The following CCDC85C variants were observed in gnomAD, a reference collection of about 807,000 sequenced individuals.
CCDC85C encodes the protein coiled-coil domain containing 85C, also known as coiled-coil domain-containing protein 85C.
Under a neutral mutation model 38.3 loss-of-function variants are expected in CCDC85C, and 18 were observed. The ratio of observed to expected loss-of-function variants is 0.47; its 90% CI spans 0.33 to 0.70. CCDC85C has a LOEUF of 0.70. Ranked by LOEUF, CCDC85C falls within the 30% of genes least tolerant of loss-of-function variation. The pLI, the probability that CCDC85C is intolerant of heterozygous loss-of-function variation, is 0.03. For missense variants in CCDC85C, 566 were observed against 621.2 expected (o/e 0.91, Z 0.94); for synonymous variants, 264 against 293.8 (o/e 0.90, Z 1.04).
In CCDC85C at chr14:99,516,154, C is replaced by T; in HGVS notation, c.1170+34G>A. The T allele has an allele frequency of 6.6e-7, 1 of 1,520,716 alleles. No individual in the cohort carries two copies. Among genetic ancestry groups the T allele is most frequent in the Non-Finnish European group, 8.9e-7 (1 of 1,119,836 alleles). 94.2% of individuals were successfully genotyped at this position (1,520,716 alleles called of 1,614,324 possible). The stretch of plus-strand genomic sequence containing the variant: ...GGTGGCCCTGGTCGCACTCCCAGTG[C>T]CAAGCCTCTGCCCCCCACCCCTGGA... On this transcript the variant is annotated intron_variant, in intron 5 of 5. Coordinates refer to ENST00000380243, the MANE Select transcript of CCDC85C (RefSeq NM_001144995.2). The surrounding 1 kb of genome is among the most constrained non-coding windows in gnomAD (Gnocchi z 5.5).
At position 99,603,581 on chromosome 14, in the gene CCDC85C, G is replaced by T; in HGVS notation, c.379C>A (p.Leu127Met). 1 of 1,414,938 alleles carries T rather than the reference G, an allele frequency of 7.1e-7. No homozygotes were observed. The highest frequency in any genetic ancestry group is 9.2e-7 in the Non-Finnish European group (1 of 1,090,150). 87.6% of individuals were successfully genotyped at this position (1,414,938 alleles called of 1,614,324 possible). A position where few individuals can be genotyped will look rare whatever the true frequency, so the allele number is the denominator to read the frequency against. ...TCCTGGCGCGCCTCGAGCTCGCGCA[G>T]CTTCTGCTGCGAGCGGGCCACCTCG... ...WHEVARSQQK[L>M]RELEARQEAL... Residue 127 changes from leucine to methionine, a missense_variant, in exon 1 of 6, where the codon CTG (leucine) becomes ATG (methionine). Around this residue, in one of 3 missense-constraint regions of CCDC85C, gnomAD observed 269 missense variants for 308.2 expected, o/e 0.87. Coordinates refer to ENST00000380243, the MANE Select transcript of CCDC85C (RefSeq NM_001144995.2). This position sits in a 1 kb window ranked among gnomAD's most constrained non-coding sequence, Gnocchi z 7.5.
intron 2 of CCDC85C, among the ~76,000 whole-genome samples, chr14:99,526,446 A>C (rs1897385168): frequency 6.6e-6 from 1 of 152,150 alleles, no homozygotes; most frequent in Admixed American, 6.5e-5. Context: ...AGCTGGAGAG[A>C]GCTCCTTCCA....
rs975050093 is a variant in CCDC85C, at chr14:99,572,290, C to A, written c.793+30877G>T. Among the ~76,000 whole-genome samples the A allele has an allele frequency of 1.3e-5, 2 of 152,106 alleles. No individual in the cohort carries two copies. Among genetic ancestry groups the A allele is most frequent in the African/African-American group, 4.8e-5 (2 of 41,414 alleles). Reference sequence around the variant, plus strand: ...CTCCCCAGGGATGGGTCTTTTCATGCCATCACTGCCGTCTCCTCCCCGCTA... The same window carrying A: ...CTCCCCAGGGATGGGTCTTTTCATGACATCACTGCCGTCTCCTCCCCGCTA... On this transcript the variant is annotated intron_variant, in intron 1 of 5. Transcript: ENST00000380243. This position sits in a 1 kb window ranked among gnomAD's most constrained non-coding sequence, Gnocchi z 4.4.
In CCDC85C at chr14:99,509,867, G is replaced by A; in HGVS notation, c.*5379C>T. 4.1e-6 allele frequency: 2 copies of A among 485,692 alleles called. No homozygotes were observed. Among genetic ancestry groups the A allele is most frequent in the Non-Finnish European group, 7.3e-6 (2 of 274,902 alleles). The allele number at this position is 485,692 out of a possible 1,614,324, so 30.1% of individuals were successfully genotyped here. ...ACTAGGAAGAGGGGGCTGGGGCCAG[G>A]GCACAAGGGGGCTTCGGGTGCTGCC... On this transcript the variant is annotated 3_prime_UTR_variant, in exon 6 of 6. Transcript: ENST00000380243.
chr14:99,571,442 C>T (rs181439812), intron 1 of CCDC85C, among the ~76,000 whole-genome samples: 1 of 152,296 alleles, frequency 6.6e-6, no homozygotes, highest in East Asian at 1.9e-4. Context: ...CGTGCAGGTG[C>T]CAGAGGTGCA....
At chr14:99,549,456 G>T (rs1327587708) in intron 1 of CCDC85C, among the ~76,000 whole-genome samples, 1 of 152,172 alleles carries the variant, frequency 6.6e-6, no homozygotes, top group Non-Finnish European at 1.5e-5. Flanking sequence ...GAAGGTGGTG[G>T]TAGGAAGCCA....
chr14:99,530,638 C>T (rs538046110), intron 2 of CCDC85C, among the ~76,000 whole-genome samples: 76 of 152,326 alleles, frequency 5.0e-4, no homozygotes, highest in African/African-American at 1.8e-3. Context: ...TGGGGATGGG[C>T]CAGGCCCAAG....
rs1896881020 is a variant in CCDC85C, at chr14:99,503,135, G to A, written c.*12111C>T. On this transcript the variant is annotated 3_prime_UTR_variant, in exon 6 of 6. Transcript: ENST00000380243. ...CAGTCCGACTGCTTGTCGGTGGGGA[G>A]CCTGAAAACAAAGGTGCTCCAAGGA... 3.3e-6 allele frequency: 3 copies of A among 907,064 alleles called. No individual in the cohort carries two copies. Among genetic ancestry groups the A allele is most frequent in the Non-Finnish European group, 5.3e-6 (3 of 561,810 alleles). The allele number at this position is 907,064 out of a possible 1,614,324, so 56.2% of individuals were successfully genotyped here.
At chr14:99,577,270 T>C (rs1304297234) in intron 1 of CCDC85C, among the ~76,000 whole-genome samples, 1 of 151,424 alleles carries the variant, frequency 6.6e-6, no homozygotes, top group Non-Finnish European at 1.5e-5. Context: ...ACTATGCGCC[T>C]CCGGTTTCAC....
Position 99,516,947 on chromosome 14 carries a change from C to A in CCDC85C, c.1071+141G>T. 1.3e-6 allele frequency: 1 copy of A among 761,350 alleles called. No homozygotes were observed. Among genetic ancestry groups the A allele is most frequent in the South Asian group, 1.6e-5 (1 of 63,062 alleles). 47.2% of individuals were successfully genotyped at this position (761,350 alleles called of 1,614,324 possible). A position where few individuals can be genotyped will look rare whatever the true frequency, so the allele number is the denominator to read the frequency against. ...GAGTTCAACCTCACAGTGCTCCAGG[C>A]AGCCATGGTCACCCAGCCACCCACA... On this transcript the variant is annotated intron_variant, in intron 4 of 5. Coordinates refer to ENST00000380243, the MANE Select transcript of CCDC85C (RefSeq NM_001144995.2). This position sits in a 1 kb window ranked among gnomAD's most constrained non-coding sequence, Gnocchi z 5.5.
intron 3 of CCDC85C, among the ~76,000 whole-genome samples, chr14:99,518,965 C>G (rs1425681438): frequency 6.6e-6 from 1 of 152,154 alleles, no homozygotes; most frequent in Admixed American, 6.5e-5. Flanking sequence ...GGGCCCCCAC[C>G]TGTACTAGAA....
In CCDC85C at chr14:99,545,910, C is replaced by T. The variant is rs1012126019; in HGVS notation, c.794-9822G>A. On this transcript the variant is annotated intron_variant, in intron 1 of 5. Coordinates refer to ENST00000380243, the MANE Select transcript of CCDC85C (RefSeq NM_001144995.2). This position sits in a 1 kb window ranked among gnomAD's most constrained non-coding sequence, Gnocchi z 4.7. ...ACATGCAGCTCTGTGGTCACTGTTC[C>T]AATCATCCAACTCCCAGCCTCCAAC... Among the ~76,000 whole-genome samples, 14 of 152,108 alleles carry T rather than the reference C, an allele frequency of 9.2e-5. No homozygotes were observed. The highest frequency in any genetic ancestry group is 3.2e-3 in the Middle Eastern group (1 of 316).
rs1284508996 is a variant in CCDC85C at position 99,603,222 on chromosome 14, G to A, written c.738C>T (p.Ser246=). The change falls in exon 1 of 6, where the codon TCC becomes TCT. Residue 246 remains serine, a synonymous_variant. Transcript: ENST00000380243. The surrounding 1 kb of genome is among the most constrained non-coding windows in gnomAD (Gnocchi z 7.5). The part of the protein sequence containing the change: ...PDGKAGATRR[S]LDDLSAPPHH... ...GCGGCGGCGCCGACAAGTCGTCCAGGGACCGACGTGTGGCTCCTGCCTTGC... is the reference window on the plus strand; with the variant it reads ...GCGGCGGCGCCGACAAGTCGTCCAGAGACCGACGTGTGGCTCCTGCCTTGC... 2.1e-6 allele frequency: 3 copies of A among 1,423,384 alleles called. No homozygotes were observed. Among genetic ancestry groups the A allele is most frequent in the Non-Finnish European group, 2.7e-6 (3 of 1,091,450 alleles). The allele number at this position is 1,423,384 out of a possible 1,614,324, so 88.2% of individuals were successfully genotyped here.
At position 99,576,300 on chromosome 14, in the gene CCDC85C, A is replaced by G. The variant is rs1029487101; in HGVS notation, c.793+26867T>C. ...CTGACCCCATCTAAAATCCAGGGCC[A>G]GGGCCCCTCGAGGGTGGTCCCAAAG... On this transcript the variant is annotated intron_variant, in intron 1 of 5. Coordinates refer to ENST00000380243, the MANE Select transcript of CCDC85C (RefSeq NM_001144995.2). This position sits in a 1 kb window ranked among gnomAD's most constrained non-coding sequence, Gnocchi z 4.8. 6.6e-6 allele frequency among the ~76,000 whole-genome samples: 1 copy of G among 152,184 alleles called. No homozygotes were observed. Among genetic ancestry groups the G allele is most frequent in the African/African-American group, 2.4e-5 (1 of 41,460 alleles).
At position 99,603,287 on chromosome 14, in the gene CCDC85C, G is replaced by C; in HGVS notation, c.673C>G (p.Pro225Ala). Residue 225 changes from proline to alanine, a missense_variant, in exon 1 of 6, where the codon CCC becomes GCC. Pro to Ala is a conservative substitution (Grantham distance 27, BLOSUM62 -1). Around this residue, in one of 3 missense-constraint regions of CCDC85C, gnomAD observed 286 missense variants for 276.4 expected, o/e 1.03. Transcript: ENST00000380243. This position sits in a 1 kb window ranked among gnomAD's most constrained non-coding sequence, Gnocchi z 7.5. ...TGCGGCCCGGGGGGCAGCAGCGGGG[G>C]TGGGACGTGGTGGTGGTGGTCGGGG... The part of the protein sequence containing the change: ...GSPDHHHHVP[P>A]PLLPPGPHKA... The C allele has an allele frequency of 7.3e-7, 1 of 1,376,762 alleles. No homozygotes were observed. The highest frequency in any genetic ancestry group is 9.3e-7 in the Non-Finnish European group (1 of 1,070,238). 85.3% of individuals were successfully genotyped at this position (1,376,762 alleles called of 1,614,324 possible). A position where few individuals can be genotyped will look rare whatever the true frequency, so the allele number is the denominator to read the frequency against.
intron 2 of CCDC85C, among the ~76,000 whole-genome samples, chr14:99,530,817 G>A (rs542431286): frequency 2.0e-5 from 3 of 152,244 alleles, no homozygotes; most frequent in Admixed American, 6.5e-5. Flanking sequence ...CACAGCAGGT[G>A]AGCGCTGGGG....
In CCDC85C at chr14:99,503,268, T is replaced by C. The variant is rs909240521; in HGVS notation, c.*11978A>G. 1 of 630,676 alleles carries C rather than the reference T, an allele frequency of 1.6e-6. No homozygotes were observed. The highest frequency in any genetic ancestry group is 2.9e-6 in the Non-Finnish European group (1 of 349,666). 39.1% of individuals were successfully genotyped at this position (630,676 alleles called of 1,614,324 possible). On this transcript the variant is annotated 3_prime_UTR_variant, in exon 6 of 6. Coordinates refer to ENST00000380243, the MANE Select transcript of CCDC85C (RefSeq NM_001144995.2). ...GCCTGTCGGTGTCGTTGCCGTGTCC[T>C]AGCAGTGTCGTTGTGCATGCTGCTT...
chr14:99,602,096 T>C (rs1025490230), intron 1 of CCDC85C, among the ~76,000 whole-genome samples: 8 of 152,210 alleles, frequency 5.3e-5, no homozygotes, highest in African/African-American at 1.9e-4. Context: ...ATTCTCCACC[T>C]TCAGGCAAAA....
Position 99,504,850 on chromosome 14 carries a change from G to A in CCDC85C, c.*10396C>T, listed in dbSNP as rs1296482407. On this transcript the variant is annotated 3_prime_UTR_variant, in exon 6 of 6. Transcript: ENST00000380243. ...CCACATGAAATGCAATTGAGTTGAC[G>A]TGCAGGTCTGTCAGAGGCAGGAAAC... The A allele has an allele frequency of 6.6e-6, 1 of 152,236 alleles. No individual in the cohort carries two copies. Among genetic ancestry groups the A allele is most frequent in the Non-Finnish European group, 1.5e-5 (1 of 68,068 alleles). 9.4% of individuals were successfully genotyped at this position (152,236 alleles called of 1,614,324 possible).
Sources: allele counts gnomAD v4.1 joint callset (sites outside exome capture counted in the v4.1 genomes callset), GRCh38; gene constraint gnomAD v4.1.1; regional missense constraint gnomAD v4.1.1; non-coding constraint Gnocchi (gnomAD v3.1); transcripts MANE v1.5; gene names NCBI Gene and HGNC (gene_info 2026-07-23, HGNC 2026-07-21).